CEP135: variants seen among roughly 807,000 people sequenced by gnomAD.
CEP135 encodes the protein centrosomal protein of 135 kDa.
In CEP135, 142 loss-of-function variants were observed where a neutral mutation model predicts 157.3. That is an observed-to-expected ratio of 0.90 (90% CI 0.79 to 1.04). CEP135 has a LOEUF of 1.04. CEP135 is among the 50% of genes least tolerant of loss of function. The pLI is 0.00. For synonymous variants in CEP135, 396 were observed against 439.8 expected (o/e 0.90, Z 1.25); for missense variants, 1,317 against 1,309.2 (o/e 1.01, Z -0.09).
rs1404484975 is a variant in CEP135 at position 55,974,793 on chromosome 4, A to C, written c.1297A>C (p.Ile433Leu). The change falls in exon 11 of 26, where the codon ATA (isoleucine) becomes CTA (leucine). Residue 433 changes from isoleucine (I) to leucine (L), a missense_variant. Physicochemically the swap from Ile to Leu is conservative, Grantham distance 5. Transcript: ENST00000257287. ...EVERMRLEHG[I>L]KRRDRSPSRL... ...TGAGAGGATGAGACTAGAACATGGAATAAAACGTCGAGACAGGTCACCTTC... is the reference window on the plus strand; with the variant it reads ...TGAGAGGATGAGACTAGAACATGGACTAAAACGTCGAGACAGGTCACCTTC... The C allele has an allele frequency of 6.2e-7, 1 of 1,613,922 alleles. No homozygotes were observed. The highest frequency in any genetic ancestry group is 1.7e-5 in the Admixed American group (1 of 60,020).
At chr4:55,970,922 G>C (rs1443774796) in intron 9 of CEP135, among the ~76,000 whole-genome samples, 3 of 152,102 alleles carry the variant, frequency 2.0e-5, no homozygotes, top group African/African-American at 2.4e-5. Context: ...ACTGTGTGTG[G>C]TGATCTTAGA....
intron 17 of CEP135, among the ~76,000 whole-genome samples, chr4:56,000,271 T>C (rs957623689): frequency 4.6e-5 from 7 of 152,210 alleles, no homozygotes; most frequent in African/African-American, 1.7e-4. Flanking sequence ...CACATGGTAA[T>C]TTGAGACATT....
intron 6 of CEP135, among the ~76,000 whole-genome samples, chr4:55,961,799 A>G (rs977817776): frequency 7.9e-5 from 11 of 140,094 alleles, no homozygotes; most frequent in Non-Finnish European, 1.2e-4. Context: ...AAAAAAATCC[A>G]TCTTCTGAGA....
chr4:55,950,263 T>C (rs1196258092), intron 1 of CEP135, among the ~76,000 whole-genome samples: 1 of 152,246 alleles, frequency 6.6e-6, no homozygotes, highest in African/African-American at 2.4e-5. Context: ...AGTTACTTTC[T>C]TGAGGCAGCC....
chr4:55,979,072 AC>A (rs2109681245), intron 11 of CEP135, among the ~76,000 whole-genome samples: 1 of 152,304 alleles, frequency 6.6e-6, no homozygotes, highest in African/African-American at 2.4e-5. Flanking sequence ...TCTATCATTT[AC>A]CAAATCTACA....
chr4:56,030,532 G>A (rs902513535), intron 25 of CEP135, among the ~76,000 whole-genome samples: 1 of 152,194 alleles, frequency 6.6e-6, no homozygotes, highest in Admixed American at 6.5e-5. Context: ...AGAGTTCACT[G>A]TAGCCTTGAA....
At chr4:55,999,273 C>G in intron 15 of CEP135, 29 bp from the exon 16 acceptor site, 2 of 1,471,504 alleles carry the variant, frequency 1.4e-6, no homozygotes, top group South Asian at 1.2e-5. Flanking sequence ...ATAAAGAATA[C>G]CATTTGTTTT....
chr4:55,972,495 ACT>A (rs892184798), intron 10 of CEP135, among the ~76,000 whole-genome samples: 1 of 152,154 alleles, frequency 6.6e-6, no homozygotes, highest in Non-Finnish European at 1.5e-5. Context: ...GTACCATCAA[ACT>A]CTGTGTGTCT....
intron 10 of CEP135, among the ~76,000 whole-genome samples, chr4:55,972,829 C>G (rs899054464): frequency 2.6e-5 from 4 of 152,086 alleles, no homozygotes; most frequent in African/African-American, 9.7e-5. Flanking sequence ...GTCGGGAGTT[C>G]AAGACCAGCC....
chr4:55,991,036 C>T (rs1269885188), intron 14 of CEP135, among the ~76,000 whole-genome samples: 2 of 151,678 alleles, frequency 1.3e-5, no homozygotes, highest in Admixed American at 6.6e-5. Flanking sequence ...AGTACAGTGG[C>T]GTGATCTCGG....
chr4:55,987,741 G>T (rs915427993), intron 14 of CEP135, among the ~76,000 whole-genome samples: 7 of 152,078 alleles, frequency 4.6e-5, no homozygotes, highest in African/African-American at 1.7e-4. Context: ...TCTGAAGAAA[G>T]TACTAGAAGT....
chr4:56,021,082 C>T (rs1730959996), intron 24 of CEP135, among the ~76,000 whole-genome samples: 1 of 152,140 alleles, frequency 6.6e-6, no homozygotes, highest in Non-Finnish European at 1.5e-5. Context: ...TTTCCTATAG[C>T]ATTCCGCAGG....
At chr4:55,960,233 C>T (rs1316182111) in intron 6 of CEP135, 1 of 162,526 alleles carries the variant, frequency 6.2e-6, no homozygotes, top group African/African-American at 2.4e-5. Flanking sequence ...TTTTTCTACT[C>T]TTATTATATA....
rs1728775711 is a variant in CEP135, at chr4:55,964,295, A to C, written c.721A>C (p.Ile241Leu). 6.2e-7 allele frequency: 1 copy of C among 1,612,264 alleles called. No individual in the cohort carries two copies. Among genetic ancestry groups the C allele is most frequent in the Non-Finnish European group, 8.5e-7 (1 of 1,179,364 alleles). Reference protein sequence around the residue: ...SKQIELREREIERLSVALDGG... With the variant: ...SKQIELRERELERLSVALDGG... ...TCAGATTGAGCTAAGAGAACGAGAG[A>C]TAGAACGACTGTCAGTTGCTTTGGA... is the stretch of plus-strand genomic sequence containing the variant. Residue 241 changes from isoleucine to leucine, a missense_variant, in exon 7 of 26, where the codon ATA becomes CTA. Transcript: ENST00000257287.
At chr4:56,023,413 A>G (rs1731033427) in intron 24 of CEP135, among the ~76,000 whole-genome samples, 1 of 152,062 alleles carries the variant, frequency 6.6e-6, no homozygotes, top group African/African-American at 2.4e-5. Flanking sequence ...CTGGGCATTT[A>G]ATTTTTAAGA....
chr4:55,963,358 A>G (rs1164588265), intron 6 of CEP135, among the ~76,000 whole-genome samples: 1 of 152,178 alleles, frequency 6.6e-6, no homozygotes, highest in Non-Finnish European at 1.5e-5. Context: ...TGCACATTAC[A>G]TCCAGTCATA....
intron 17 of CEP135, among the ~76,000 whole-genome samples, chr4:56,002,505 TCTTG>T (rs1730211199): frequency 6.6e-6 from 1 of 152,176 alleles, no homozygotes. Flanking sequence ...TGGTTTCTCT[TCTTG>T]CTTCTGTTAA....
Position 55,971,267 on chromosome 4 carries a change from C to G in CEP135, c.1111-3C>G, listed in dbSNP as rs1729017455. On this transcript the variant is annotated splice_region_variant and splice_polypyrimidine_tract_variant and intron_variant, in intron 9 of 25. Coordinates refer to ENST00000257287, the MANE Select transcript of CEP135 (RefSeq NM_025009.5). Reference sequence around the variant, plus strand: ...ATCTTAATTATAGTATTAAAATTTGCAGGAATTGAACTTATGCCAGAAAGA... The same window carrying G: ...ATCTTAATTATAGTATTAAAATTTGGAGGAATTGAACTTATGCCAGAAAGA... The G allele has an allele frequency of 1.3e-6, 2 of 1,556,900 alleles. No homozygotes were observed. The highest frequency in any genetic ancestry group is 1.7e-6 in the Non-Finnish European group (2 of 1,158,236).
At chr4:55,950,683 G>A (rs1577859511) in intron 1 of CEP135, among the ~76,000 whole-genome samples, 1 of 150,724 alleles carries the variant, frequency 6.6e-6, no homozygotes, top group Non-Finnish European at 1.5e-5. Context: ...CCATTTTAGG[G>A]CAGATTGATA....
Sources: allele counts gnomAD v4.1 joint callset (sites outside exome capture counted in the v4.1 genomes callset), GRCh38; gene constraint gnomAD v4.1.1; transcripts MANE v1.5; gene names NCBI Gene and HGNC (gene_info 2026-07-23, HGNC 2026-07-21).